The following SORBS2 variants were observed in gnomAD, a reference collection of about 807,000 sequenced individuals.
The protein encoded by SORBS2 is sorbin and SH3 domain containing 2.
Under a neutral mutation model 97.7 loss-of-function variants are expected in SORBS2, and 46 were observed. The ratio of observed to expected loss-of-function variants is 0.47; its 90% confidence interval spans 0.37 to 0.60. The LOEUF (loss-of-function observed/expected upper bound fraction) is 0.60. Ranked by LOEUF, SORBS2 falls within the 20% of genes least tolerant of loss-of-function variation. SORBS2 has a pLI of 0.00. For missense variants in SORBS2, 1,316 were observed against 1,282.3 expected (o/e 1.03, Z -0.40); for synonymous variants, 476 against 473.4 (o/e 1.01, Z -0.07).
chr4:185,627,043 T>C, intron 5 of SORBS2, 24 bp from the exon 18 acceptor site: 1 of 1,610,960 alleles, frequency 6.2e-7, no homozygotes, highest in Non-Finnish European at 8.5e-7. Context: ...TCAGATCTGT[T>C]TGATTGGCAC....
At chr4:185,840,284 A>G in intron 1 of SORBS2, among the ~76,000 whole-genome samples, 1 of 152,208 alleles carries the variant, frequency 6.6e-6, no homozygotes, top group East Asian at 1.9e-4. Context: ...TGGGTCAAAG[A>G]GAATGCCAAG....
intron 2 of SORBS2, among the ~76,000 whole-genome samples, chr4:185,650,271 T>C (rs2097290924): frequency 6.6e-6 from 1 of 152,050 alleles, no homozygotes; most frequent in Admixed American, 6.6e-5. Context: ...AAACACATAG[T>C]AAGAATTAAA....
intron 1 of SORBS2, among the ~76,000 whole-genome samples, chr4:185,821,332 AG>A (rs1170395180): frequency 6.6e-6 from 1 of 152,182 alleles, no homozygotes; most frequent in African/African-American, 2.4e-5. Context: ...ACAGGGTGGA[AG>A]GGTCACTGTT....
chr4:185,708,378 TTAAC>T (rs1324360936), intron 2 of SORBS2, among the ~76,000 whole-genome samples: 3 of 152,228 alleles, frequency 2.0e-5, no homozygotes, highest in Admixed American at 1.3e-4. Flanking sequence ...CAGCGTTTGT[TTAAC>T]TTTGCAAGGA....
At chr4:185,602,460 T>C (rs1479738136) in intron 12 of SORBS2, among the ~76,000 whole-genome samples, 1 of 152,228 alleles carries the variant, frequency 6.6e-6, no homozygotes, top group East Asian at 1.9e-4. Flanking sequence ...AACTTTTACG[T>C]TTATGGAAGA....
At chr4:185,587,389 C>T (rs2095812698) in exon 15 of SORBS2, 1 of 409,814 alleles carries the variant, frequency 2.4e-6, no homozygotes, top group Non-Finnish European at 4.3e-6. Context: ...TTTGACGTGT[C>T]AAAGCTTAGA....
intron 1 of SORBS2, among the ~76,000 whole-genome samples, chr4:185,888,233 T>C (rs529126184): frequency 6.6e-6 from 1 of 152,290 alleles, no homozygotes; most frequent in South Asian, 2.1e-4. Flanking sequence ...TGTTACCTTA[T>C]TTGAAAACAT....
At chr4:185,722,962 C>T (rs2098527277) in intron 2 of SORBS2, among the ~76,000 whole-genome samples, 1 of 152,222 alleles carries the variant, frequency 6.6e-6, no homozygotes, top group Admixed American at 6.5e-5. Context: ...ATCCCACAGC[C>T]GATCTGAGCT....
At chr4:185,860,676 A>G (rs1365657647) in intron 1 of SORBS2, among the ~76,000 whole-genome samples, 3 of 152,192 alleles carry the variant, frequency 2.0e-5, no homozygotes, top group Non-Finnish European at 4.4e-5. Context: ...GACATAAGAC[A>G]TCAATCAAGA....
At chr4:185,820,366 C>G (rs1427572690) in intron 1 of SORBS2, among the ~76,000 whole-genome samples, 1 of 152,206 alleles carries the variant, frequency 6.6e-6, no homozygotes, top group Non-Finnish European at 1.5e-5. Context: ...TGATGTCCTC[C>G]CCTCCCCTTT....
At chr4:185,950,023 G>A (rs1425192236) in intron 1 of SORBS2, among the ~76,000 whole-genome samples, 1 of 152,208 alleles carries the variant, frequency 6.6e-6, no homozygotes, top group Non-Finnish European at 1.5e-5. Flanking sequence ...GGAGGCCAAG[G>A]CGGGCGGATC....
chr4:185,871,284 A>T (rs186606738), intron 1 of SORBS2, among the ~76,000 whole-genome samples: 135 of 152,336 alleles, frequency 8.9e-4, no homozygotes, highest in African/African-American at 3.2e-3. Context: ...AATACCGAGG[A>T]CATGAAGCTC....
At chr4:185,681,796 G>A (rs1260884357) in intron 2 of SORBS2, among the ~76,000 whole-genome samples, 5 of 152,052 alleles carry the variant, frequency 3.3e-5, no homozygotes, top group Admixed American at 6.6e-5. Context: ...GCCCTCCATG[G>A]CCCTTTCCAC....
chr4:185,667,064 A>T (rs1487793050), intron 4 of SORBS2, among the ~76,000 whole-genome samples: 1 of 152,236 alleles, frequency 6.6e-6, no homozygotes, highest in Non-Finnish European at 1.5e-5. Context: ...GTTTGACCAC[A>T]CGTGACAAAT....
At chr4:185,635,044 G>A (rs543365425) in intron 4 of SORBS2, among the ~76,000 whole-genome samples, 2 of 152,120 alleles carry the variant, frequency 1.3e-5, no homozygotes, top group African/African-American at 2.4e-5. Context: ...AAAAGAGGTG[G>A]TTAATATATG....
intron 1 of SORBS2, among the ~76,000 whole-genome samples, chr4:185,896,117 A>G (rs756354274): frequency 8.5e-5 from 13 of 152,252 alleles, no homozygotes; most frequent in Non-Finnish European, 1.5e-4. Flanking sequence ...CAACTTGTAT[A>G]TAACAAATAC....
intron 1 of SORBS2, among the ~76,000 whole-genome samples, chr4:185,840,925 G>A (rs978846500): frequency 6.6e-6 from 1 of 152,126 alleles, no homozygotes; most frequent in African/African-American, 2.4e-5. Flanking sequence ...GGTGTTAGCA[G>A]AGGGGCAAGA....
chr4:185,665,877 C>G (rs1220418450), intron 4 of SORBS2: 90 of 1,184,546 alleles, frequency 7.6e-5, no homozygotes, highest in Non-Finnish European at 1.2e-5. Context: ...AGGACTCACT[C>G]TCCGAGCGGG....
chr4:185,752,352 T>G (rs1465126005), intron 2 of SORBS2, among the ~76,000 whole-genome samples: 1 of 152,186 alleles, frequency 6.6e-6, no homozygotes, highest in Non-Finnish European at 1.5e-5. Context: ...CTTGGCTCAC[T>G]GCAAGCTCCG....
Sources: gnomAD v4.1 joint callset for allele counts (sites outside exome capture counted in the v4.1 genomes callset) on GRCh38, gnomAD v4.1.1 for gene constraint, MANE v1.5 for transcripts, NCBI Gene and HGNC (gene_info 2026-07-23, HGNC 2026-07-21) for gene names.